Variants in ZBTB25 observed in about 807,000 individuals in gnomAD.
ZBTB25 encodes zinc finger and BTB domain containing 25.
Under a neutral mutation model 34.2 loss-of-function variants are expected in ZBTB25, and 20 were observed. The observed-to-expected ratio is 0.58, with a 90% CI of 0.41 to 0.85. ZBTB25 has a LOEUF of 0.85. Ranked by LOEUF, ZBTB25 falls within the 40% of genes least tolerant of loss-of-function variation. The pLI, the probability that ZBTB25 is intolerant of heterozygous loss-of-function variation, is 0.00. For synonymous variants in ZBTB25, 175 were observed against 186.4 expected, an observed-to-expected ratio of 0.94 and a Z score of 0.50; for missense variants, 437 against 521.8, an observed-to-expected ratio of 0.84 and a Z score of 1.58.
At chr14:64,459,279 C>A (rs1260735609) in intron 2 of ZBTB25, among the ~76,000 whole-genome samples, 2 of 152,184 alleles carry the variant, frequency 1.3e-5, no homozygotes, top group Non-Finnish European at 2.9e-5. Context: ...CTCATTTGGA[C>A]ATTAGCGAAG....
At chr14:64,468,573 G>C in intron 2 of ZBTB25, 1 of 1,614,050 alleles carries the variant, frequency 6.2e-7, no homozygotes, top group African/African-American at 1.3e-5. Context: ...GATGTGGCAA[G>C]GAAGTGTCCA....
At chr14:64,502,189 G>C (rs1393990139) in intron 1 of ZBTB25, among the ~76,000 whole-genome samples, 1 of 152,198 alleles carries the variant, frequency 6.6e-6, no homozygotes, top group Non-Finnish European at 1.5e-5. Context: ...CGGCCAACTT[G>C]AGCAGAATCC....
At chr14:64,505,197 A>G (rs2079627674), upstream of ZBTB25, 7 of 316,080 alleles carry the variant, frequency 2.2e-5, no homozygotes. Flanking sequence ...CTAGTTCCCA[A>G]ATTAGTTACC....
intron 2 of ZBTB25, chr14:64,453,842 C>G: frequency 6.2e-7 from 1 of 1,606,900 alleles, no homozygotes. Flanking sequence ...CAACACAAAG[C>G]TGAAGTCTAC....
chr14:64,460,443 A>C (rs1464060811), intron 2 of ZBTB25: 1 of 152,438 alleles, frequency 6.6e-6, no homozygotes, highest in East Asian at 1.9e-4. Context: ...GCAAGTATTC[A>C]TTGAGTTTCT....
intron 2 of ZBTB25, among the ~76,000 whole-genome samples, chr14:64,490,112 G>A (rs1332467113): frequency 1.4e-5 from 2 of 146,576 alleles, no homozygotes; most frequent in Non-Finnish European, 3.0e-5. Flanking sequence ...GGAGGCTGAG[G>A]CAGGAGAATC....
At chr14:64,477,268 C>T (rs1055107387), downstream of ZBTB25, among the ~76,000 whole-genome samples, 1 of 152,200 alleles carries the variant, frequency 6.6e-6, no homozygotes, top group Admixed American at 6.5e-5. Flanking sequence ...TCGAGGCACC[C>T]CCTAGCACTG....
chr14:64,498,979 G>A (rs1252926949), intron 1 of ZBTB25, among the ~76,000 whole-genome samples: 3 of 152,154 alleles, frequency 2.0e-5, no homozygotes, highest in Non-Finnish European at 2.9e-5. Context: ...TAACGTGACT[G>A]CTCAGTTAAG....
intron 2 of ZBTB25, among the ~76,000 whole-genome samples, chr14:64,450,405 G>A (rs145188851): frequency 3.3e-5 from 5 of 152,226 alleles, no homozygotes; most frequent in South Asian, 4.2e-4. Flanking sequence ...CAAGTTGAGG[G>A]CCCTCACATG....
chr14:64,466,944 G>C (rs1431423210), intron 2 of ZBTB25, among the ~76,000 whole-genome samples: 2 of 151,972 alleles, frequency 1.3e-5, no homozygotes, highest in African/African-American at 2.4e-5. Context: ...TGCATAGTTT[G>C]CCAACTTATT....
At chr14:64,502,202 C>G (rs529713020) in intron 1 of ZBTB25, among the ~76,000 whole-genome samples, 6 of 152,312 alleles carry the variant, frequency 3.9e-5, no homozygotes, top group African/African-American at 1.4e-4. Context: ...CAGAATCCAT[C>G]TCTACTACAT....
chr14:64,495,959 A>G (rs2079260603), intron 1 of ZBTB25, among the ~76,000 whole-genome samples: 1 of 140,710 alleles, frequency 7.1e-6, no homozygotes, highest in Non-Finnish European at 1.6e-5. Flanking sequence ...CCATCTCAAA[A>G]GGAAAAAAAA....
At chr14:64,475,685 C>T (rs1263530698), downstream of ZBTB25, among the ~76,000 whole-genome samples, 1 of 152,138 alleles carries the variant, frequency 6.6e-6, no homozygotes. Flanking sequence ...TGTCTGTGCA[C>T]TACACATTCA....
At chr14:64,489,936 G>T (rs2079018970) in intron 2 of ZBTB25, among the ~76,000 whole-genome samples, 1 of 151,344 alleles carries the variant, frequency 6.6e-6, no homozygotes, top group Non-Finnish European at 1.5e-5. Flanking sequence ...GGCCAGGCAT[G>T]GTGGCTCATG....
intron 2 of ZBTB25, 47 bp from the exon 3 acceptor site, chr14:64,488,104 C>G: frequency 2.5e-6 from 4 of 1,580,426 alleles, no homozygotes; most frequent in Non-Finnish European, 3.4e-6. Context: ...CACAACCTAG[C>G]TGGCCTTTCA....
chr14:64,461,118 T>G (rs1741975918), intron 2 of ZBTB25: 1 of 152,158 alleles, frequency 6.6e-6, no homozygotes, highest in African/African-American at 2.4e-5. Flanking sequence ...CTTTTTCCCC[T>G]TGTCTCCCTC....
intron 1 of ZBTB25, 152 bp downstream of exon 1, chr14:64,503,509 C>T: frequency 1.0e-6 from 1 of 985,422 alleles, no homozygotes; most frequent in Non-Finnish European, 1.2e-6. Flanking sequence ...CTGTGCCCTG[C>T]CTGACATCTC....
At position 64,470,764 on chromosome 14, in the gene ZBTB25, A is replaced by C. The variant is rs536324546; in HGVS notation, c.173+19597T>G. On this transcript the variant is annotated intron_variant, in intron 2 of 2. Coordinates refer to the ZBTB25 transcript ENST00000555220. ...TGGATTTATCTGTGAAAAGTTAAAA[A>C]ATGAAACAGCAAAAACAAAACAAGG... is the stretch of plus-strand genomic sequence containing the variant. 2.4e-5 allele frequency: 4 copies of C among 167,160 alleles called. No individual in the cohort carries two copies. The South Asian group carries it at 8.3e-4, about 35-fold the overall frequency. The allele number at this position is 167,160 out of a possible 1,614,324, so 10.4% of individuals were successfully genotyped here. A position where few individuals can be genotyped will look rare whatever the true frequency, so the allele number is the denominator to read the frequency against.
chr14:64,486,074 C>T lies in ZBTB25; in HGVS notation c.*849G>A. 1 of 931,524 alleles carries T rather than the reference C, an allele frequency of 1.1e-6. No individual in the cohort carries two copies. Among genetic ancestry groups the T allele is most frequent in the Non-Finnish European group, 1.3e-6 (1 of 781,352 alleles). The allele number at this position is 931,524 out of a possible 1,614,324, so 57.7% of individuals were successfully genotyped here. A position where few individuals can be genotyped will look rare whatever the true frequency, so the allele number is the denominator to read the frequency against. On this transcript the variant is annotated 3_prime_UTR_variant, in exon 3 of 3. Transcript: ENST00000608382. ...CAGCACTTTGGGAGGCCAAGGCGGG[C>T]AGATGACGAGGTCAGGAGATCGAGA...
Sources: allele counts gnomAD v4.1 joint callset (sites outside exome capture counted in the v4.1 genomes callset), GRCh38; gene constraint gnomAD v4.1.1; transcripts MANE v1.5; gene names NCBI Gene and HGNC (gene_info 2026-07-23, HGNC 2026-07-21).